SLC5A5: variants seen among roughly 807,000 people sequenced by gnomAD.
SLC5A5 encodes the protein solute carrier family 5 member 5.
SLC5A5 carries 56 observed loss-of-function variants against 68.6 expected under a neutral mutation model. The ratio of observed to expected loss-of-function variants is 0.82; its 90% CI spans 0.66 to 1.02. The LOEUF (loss-of-function observed/expected upper bound fraction) is 1.02, where lower values mean the gene tolerates loss of function less well. Ranked by LOEUF, SLC5A5 falls within the 50% of genes least tolerant of loss-of-function variation. The probability of loss-of-function intolerance (pLI) is 0.00; values close to 1 mark genes in which losing one functional copy is unlikely to be tolerated. For synonymous variants in SLC5A5, 398 were observed against 373.0 expected (o/e 1.07, Z -0.77); for missense variants, 807 against 859.8 (o/e 0.94, Z 0.77).
At chr19:17,876,426 C>CA (rs60457185) in intron 5 of SLC5A5, among the ~76,000 whole-genome samples, 8,044 of 87,316 alleles carry the variant, frequency 0.092, 323 homozygotes, top group Admixed American at 0.12. Flanking sequence ...GACCCTGTCT[C>CA]AAAAAAAAAA....
intron 10 of SLC5A5, among the ~76,000 whole-genome samples, chr19:17,882,629 C>T (rs1208090572): frequency 6.6e-6 from 1 of 151,666 alleles, no homozygotes; most frequent in African/African-American, 2.4e-5. Flanking sequence ...AATTCTGCCT[C>T]AGCCTCCAGA....
rs541962689 is a variant in SLC5A5, at chr19:17,873,992, G to C, written c.358-146G>C. The C allele has an allele frequency of 4.9e-4, 342 of 702,072 alleles. 2 individuals carry two copies. The African/African-American group carries it at 5.4e-3, about 11-fold the overall frequency. 43.5% of individuals were successfully genotyped at this position (702,072 alleles called of 1,614,324 possible). Reference sequence around the variant, plus strand: ...ATGGCACCTGTGCACGGGTGTGTGCGTGCGGCGGGGCCCCCACGTGCAAGA... The same window carrying C: ...ATGGCACCTGTGCACGGGTGTGTGCCTGCGGCGGGGCCCCCACGTGCAAGA... On this transcript the variant is annotated intron_variant, in intron 1 of 14. Coordinates refer to ENST00000222248, the MANE Select transcript of SLC5A5 (RefSeq NM_000453.3).
intron 5 of SLC5A5, among the ~76,000 whole-genome samples, chr19:17,876,541 G>A (rs1414199336): frequency 1.3e-5 from 2 of 151,290 alleles, no homozygotes; most frequent in East Asian, 1.9e-4. Context: ...CAGCATGACC[G>A]ACATCGAGAA....
chr19:17,882,351 T>C (rs2094322625), intron 10 of SLC5A5, 132 bp downstream of exon 10: 5 of 756,254 alleles, frequency 6.6e-6, no homozygotes, highest in South Asian at 4.6e-5. Flanking sequence ...TTTTTTTTTT[T>C]TGAGATGGGG....
chr19:17,890,194 C>T (rs760233570), intron 13 of SLC5A5, among the ~76,000 whole-genome samples: 6 of 152,046 alleles, frequency 3.9e-5, no homozygotes, highest in Non-Finnish European at 8.8e-5. Context: ...CCTCAGCCTC[C>T]CGAGTAGCTG....
chr19:17,883,765 C>G lies in SLC5A5; in HGVS notation c.1327C>G (p.Pro443Ala). The G allele has an allele frequency of 1.3e-6, 2 of 1,544,382 alleles. No homozygotes were observed. The highest frequency in any genetic ancestry group is 1.8e-6 in the Non-Finnish European group (2 of 1,130,512). Residue 443 changes from proline (P) to alanine (A), a missense_variant and splice_region_variant, in exon 11 of 15, where the codon CCG (proline) becomes GCG (alanine). Physicochemically the swap from Pro to Ala is conservative, Grantham distance 27. Transcript: ENST00000222248. The part of the protein sequence containing the change: ...LGMFLPACNT[P>A]GVLAGLGAGL... ...AATGTTCCTGCCGGCCTGCAACACA[C>G]CGGTGAGTGGGGGCGGGGCAAGGGG...
intron 1 of SLC5A5, among the ~76,000 whole-genome samples, chr19:17,873,848 G>A (rs575618043): frequency 1.3e-5 from 2 of 152,340 alleles, no homozygotes; most frequent in African/African-American, 4.8e-5. Flanking sequence ...TGCGGGCCAC[G>A]TCGGTGTCTG....
chr19:17,893,532 A>G (rs1262293892), intron 14 of SLC5A5, among the ~76,000 whole-genome samples, 181 bp from the exon 15 acceptor site: 2 of 152,286 alleles, frequency 1.3e-5, no homozygotes, highest in Admixed American at 1.3e-4. Context: ...AGAGAAGCGC[A>G]TGGAAATTTT....
At position 17,893,788 on chromosome 19, in the gene SLC5A5, T is replaced by C. The variant is rs1217433885; in HGVS notation, c.1843T>C (p.Leu615=). The change falls in exon 15 of 15, where the codon TTG becomes CTG. Residue 615 remains leucine (L), a synonymous_variant. Coordinates refer to ENST00000222248, the MANE Select transcript of SLC5A5 (RefSeq NM_000453.3). ...CACCAATGAGGATCGTCTGTTTTTC[T>C]TGGGGCAGAAGGAGCTGGAGGGGGC... ...LPTNEDRLFF[L]GQKELEGAGS... 3 of 1,613,092 alleles carry C rather than the reference T, an allele frequency of 1.9e-6. No homozygotes were observed. Among genetic ancestry groups the C allele is most frequent in the Admixed American group, 1.7e-5 (1 of 59,860 alleles).
Position 17,893,828 on chromosome 19 carries a change from C to T in SLC5A5, c.1883C>T (p.Pro628Leu), listed in dbSNP as rs746889167. 4.4e-6 allele frequency: 7 copies of T among 1,597,428 alleles called. No individual in the cohort carries two copies. The Admixed American group carries it at 5.2e-5, about 12-fold the overall frequency. ...CTGGAGGGGGCTGGCTCTTGGACCCCCTGTGTTGGACATGATGGTGGTCGA... is the reference window on the plus strand; with the variant it reads ...CTGGAGGGGGCTGGCTCTTGGACCCTCTGTGTTGGACATGATGGTGGTCGA... ...KELEGAGSWT[P>L]CVGHDGGRDQ... Residue 628 changes from proline (P) to leucine (L), a missense_variant, in exon 15 of 15, where the codon CCC becomes CTC. Coordinates refer to ENST00000222248, the MANE Select transcript of SLC5A5 (RefSeq NM_000453.3).
intron 12 of SLC5A5, among the ~76,000 whole-genome samples, chr19:17,886,346 C>G: frequency 7.3e-6 from 1 of 136,058 alleles, no homozygotes; most frequent in Admixed American, 7.9e-5. Context: ...CTTGCTCTGT[C>G]GCCCAGGCTG....
At position 17,888,384 on chromosome 19, in the gene SLC5A5, C is replaced by G; in HGVS notation, c.1580C>G (p.Ser527Cys). 1 of 1,614,062 alleles carries G rather than the reference C, an allele frequency of 6.2e-7. No individual in the cohort carries two copies. Among genetic ancestry groups the G allele is most frequent in the South Asian group, 1.1e-5 (1 of 91,082 alleles). The change falls in exon 13 of 15, where the codon TCC becomes TGC. Residue 527 changes from serine to cysteine, a missense_variant. Ser to Cys is a moderately radical substitution (Grantham distance 112, BLOSUM62 -1). Coordinates refer to ENST00000222248, the MANE Select transcript of SLC5A5 (RefSeq NM_000453.3). ...TTAGCTGACAGCTTCTATGCCATCT[C>G]CTATCTCTATTACGGTGCCCTGGGC... Reference protein sequence around the residue: ...PALADSFYAISYLYYGALGTL... With the variant: ...PALADSFYAICYLYYGALGTL...
In SLC5A5 at chr19:17,894,143, C is replaced by A; in HGVS notation, c.*266C>A. ...AATAAGGCTGGGTTTTTCTCTCTCT[C>A]TTTTTTTTTTTTTTTTTTTTTTGAG... is the stretch of plus-strand genomic sequence containing the variant. On this transcript the variant is annotated 3_prime_UTR_variant, in exon 15 of 15. Transcript: ENST00000222248. 7.6e-6 allele frequency: 2 copies of A among 262,696 alleles called. No homozygotes were observed. The highest frequency in any genetic ancestry group is 7.0e-6 in the Non-Finnish European group (1 of 142,978). The allele number at this position is 262,696 out of a possible 1,614,324, so 16.3% of individuals were successfully genotyped here. A position where few individuals can be genotyped will look rare whatever the true frequency, so the allele number is the denominator to read the frequency against.
intron 14 of SLC5A5, among the ~76,000 whole-genome samples, chr19:17,893,095 G>A (rs1197897278): frequency 1.3e-5 from 1 of 74,804 alleles, no homozygotes; most frequent in African/African-American, 5.3e-5. Flanking sequence ...TTTCTTTTTT[G>A]TCTTTTTTTT....
chr19:17,884,431 T>C (rs1201144684), intron 12 of SLC5A5, among the ~76,000 whole-genome samples: 1 of 150,574 alleles, frequency 6.6e-6, no homozygotes, highest in African/African-American at 2.5e-5. Flanking sequence ...GGCCCAGAAT[T>C]TGGTTTGGTT....
rs114974541 is a variant in SLC5A5, at chr19:17,875,617, A to T, written c.544-335A>T. Among the ~76,000 whole-genome samples the T allele has an allele frequency of 4.8e-3, 692 of 144,104 alleles. 30 individuals are homozygous for T. In the South Asian group the frequency reaches 0.1, roughly 21 times the overall value. The allele number at this position is 144,104 out of a possible 152,430, so 94.5% of individuals were successfully genotyped here. ...CCCCCGCCCCCATCTCTACAAAAAAAATTTTTTTTAAATTAGTCGGGCATG... is the reference window on the plus strand; with the variant it reads ...CCCCCGCCCCCATCTCTACAAAAAATATTTTTTTTAAATTAGTCGGGCATG... On this transcript the variant is annotated intron_variant, in intron 4 of 14. Transcript: ENST00000222248.
At chr19:17,886,539 C>T (rs1045122101) in intron 12 of SLC5A5, among the ~76,000 whole-genome samples, 2 of 152,006 alleles carry the variant, frequency 1.3e-5, no homozygotes, top group South Asian at 2.1e-4. Context: ...AACCCCTGAC[C>T]TCAGATGATC....
At chr19:17,892,650 GAC>G (rs1357219082) in intron 14 of SLC5A5, among the ~76,000 whole-genome samples, 1 of 116,654 alleles carries the variant, frequency 8.6e-6, no homozygotes, top group Non-Finnish European at 1.7e-5. Flanking sequence ...AGAAAGAAAA[GAC>G]AGAGAGAGAG....
Position 17,893,910 on chromosome 19 carries a change from G to C in SLC5A5, c.*33G>C. ...GCCAGCCGCGGGACTGACACCCTGGGATGGAACCTCAGGATGGGCCAAACC... is the reference window on the plus strand; with the variant it reads ...GCCAGCCGCGGGACTGACACCCTGGCATGGAACCTCAGGATGGGCCAAACC... On this transcript the variant is annotated 3_prime_UTR_variant, in exon 15 of 15. Coordinates refer to ENST00000222248, the MANE Select transcript of SLC5A5 (RefSeq NM_000453.3). 1 of 1,549,876 alleles carries C rather than the reference G, an allele frequency of 6.5e-7. No individual in the cohort carries two copies. Among genetic ancestry groups the C allele is most frequent in the Non-Finnish European group, 8.7e-7 (1 of 1,145,008 alleles).
Sources: gnomAD v4.1 joint callset for allele counts (sites outside exome capture counted in the v4.1 genomes callset) on GRCh38, gnomAD v4.1.1 for gene constraint, MANE v1.5 for transcripts, NCBI Gene and HGNC (gene_info 2026-07-23, HGNC 2026-07-21) for gene names.